ZMAT3: variants seen among roughly 807,000 people sequenced by gnomAD.
ZMAT3 encodes zinc finger matrin-type protein 3.
In ZMAT3, 17 loss-of-function variants were observed where a neutral mutation model predicts 32.3. The ratio of observed to expected loss-of-function variants is 0.53; its 90% CI spans 0.36 to 0.79. The LOEUF (loss-of-function observed/expected upper bound fraction) is 0.79, where lower values mean the gene tolerates loss of function less well. Among genes scored for constraint, ZMAT3 ranks in the 30% least tolerant of loss-of-function variants. ZMAT3 has a pLI of 0.00. For missense variants in ZMAT3, 329 were observed against 359.7 expected (o/e 0.91, Z 0.69); for synonymous variants, 120 against 133.1 (o/e 0.90, Z 0.68).
At chr3:179,038,769 C>T (rs146471557) in intron 2 of ZMAT3, among the ~76,000 whole-genome samples, 4 of 152,136 alleles carry the variant, frequency 2.6e-5, no homozygotes, top group South Asian at 2.1e-4. Context: ...TTACCTCAAC[C>T]GGGAAGCCAA....
chr3:179,063,004 T>G (rs538911607), intron 2 of ZMAT3, among the ~76,000 whole-genome samples: 50 of 152,312 alleles, frequency 3.3e-4, no homozygotes, highest in African/African-American at 1.2e-3. Flanking sequence ...AGTCTCACAA[T>G]CCTGCAGAGG....
chr3:179,049,991 CA>C (rs34239014), intron 2 of ZMAT3, among the ~76,000 whole-genome samples: 28 of 8,144 alleles, frequency 3.4e-3, no homozygotes, highest in Admixed American at 8.7e-3. Context: ...GACTCCGTCT[CA>C]AAAAAAAAAA....
intron 2 of ZMAT3, among the ~76,000 whole-genome samples, chr3:179,054,905 AGT>A (rs1389304893): frequency 9.2e-5 from 14 of 152,202 alleles, no homozygotes; most frequent in Non-Finnish European, 1.9e-4. Flanking sequence ...GCTGAACACT[AGT>A]CACTGGGTTC....
chr3:179,019,419 T>A lies in ZMAT3; in HGVS notation c.*5598A>T, dbSNP rs968194396. 1.3e-5 allele frequency: 2 copies of A among 152,122 alleles called. No individual in the cohort carries two copies. Among genetic ancestry groups the A allele is most frequent in the African/African-American group, 4.8e-5 (2 of 41,414 alleles). 9.4% of individuals were successfully genotyped at this position (152,122 alleles called of 1,614,324 possible). A position where few individuals can be genotyped will look rare whatever the true frequency, so the allele number is the denominator to read the frequency against. ...GCAGTGTATTGCCTAAAATTTACTT[T>A]GGAATGTTCTTTAAAAAAAAAATCT... On this transcript the variant is annotated 3_prime_UTR_variant, in exon 6 of 6. Coordinates refer to ENST00000311417, the MANE Select transcript of ZMAT3 (RefSeq NM_022470.4).
chr3:179,043,205 C>T (rs1456836730), intron 2 of ZMAT3, among the ~76,000 whole-genome samples: 1 of 152,116 alleles, frequency 6.6e-6, no homozygotes, highest in Non-Finnish European at 1.5e-5. Context: ...ACTTTCTTCA[C>T]AGAATTGGAA....
intron 2 of ZMAT3, among the ~76,000 whole-genome samples, chr3:179,041,912 G>A (rs747954579): frequency 2.0e-5 from 3 of 152,146 alleles, no homozygotes; most frequent in Middle Eastern, 3.4e-3. Context: ...TGTCACCACC[G>A]ATCCCACAGA....
At chr3:179,062,135 G>T (rs1318400421) in intron 2 of ZMAT3, among the ~76,000 whole-genome samples, 2 of 152,162 alleles carry the variant, frequency 1.3e-5, no homozygotes, top group Non-Finnish European at 2.9e-5. Context: ...ATTGGCTAAT[G>T]CTACAAAGGG....
intron 2 of ZMAT3, among the ~76,000 whole-genome samples, chr3:179,067,160 G>A (rs1721457074): frequency 6.6e-6 from 1 of 152,178 alleles, no homozygotes; most frequent in Non-Finnish European, 1.5e-5. Flanking sequence ...ACCCAGGCTG[G>A]TAAATAGTGG....
At chr3:179,035,256 C>T (rs1416337067) in intron 2 of ZMAT3, among the ~76,000 whole-genome samples, 2 of 152,294 alleles carry the variant, frequency 1.3e-5, no homozygotes, top group East Asian at 3.9e-4. Context: ...GATCTGGCCC[C>T]GTCTATCTCT....
At chr3:179,044,499 C>T (rs375769383) in intron 2 of ZMAT3, among the ~76,000 whole-genome samples, 2 of 152,040 alleles carry the variant, frequency 1.3e-5, no homozygotes, top group East Asian at 3.9e-4. Flanking sequence ...AAAAAATTAG[C>T]CAGGCATGGT....
Position 179,018,693 on chromosome 3 carries a change from G to A in ZMAT3, c.*6324C>T, listed in dbSNP as rs898376247. On this transcript the variant is annotated 3_prime_UTR_variant, in exon 6 of 6. Coordinates refer to ENST00000311417, the MANE Select transcript of ZMAT3 (RefSeq NM_022470.4). Reference sequence around the variant, plus strand: ...AGTGGGCATAAAAATAAAGGCATATGTAAAAATAATTTTTTCTAAACATGA... The same window carrying A: ...AGTGGGCATAAAAATAAAGGCATATATAAAAATAATTTTTTCTAAACATGA... 2.0e-5 allele frequency: 3 copies of A among 152,230 alleles called. No individual in the cohort carries two copies. The highest frequency in any genetic ancestry group is 2.0e-4 in the Admixed American group (3 of 15,280). 9.4% of individuals were successfully genotyped at this position (152,230 alleles called of 1,614,324 possible). A position where few individuals can be genotyped will look rare whatever the true frequency, so the allele number is the denominator to read the frequency against.
At chr3:179,045,214 T>C (rs1216755958) in intron 2 of ZMAT3, among the ~76,000 whole-genome samples, 6 of 152,128 alleles carry the variant, frequency 3.9e-5, no homozygotes, top group Non-Finnish European at 8.8e-5. Context: ...ACAAGTGCAG[T>C]GTCATAGAAG....
intron 2 of ZMAT3, among the ~76,000 whole-genome samples, chr3:179,049,573 G>A (rs1179176243): frequency 1.3e-5 from 2 of 152,146 alleles, no homozygotes; most frequent in Admixed American, 1.3e-4. Context: ...TGATTGTTGG[G>A]TCAACAATAA....
rs1231462106 is a variant in ZMAT3, at chr3:179,046,545, T to C, written c.271-15546A>G. ...AGGCGGATTGCCACTGCAGACTCCG[T>C]GGGACAGCTGAGGAACTGAGTCGGC... On this transcript the variant is annotated intron_variant, in intron 2 of 5. Coordinates refer to ENST00000311417, the MANE Select transcript of ZMAT3 (RefSeq NM_022470.4). This position sits in a 1 kb window ranked among gnomAD's most constrained non-coding sequence, Gnocchi z 4.3. 6.6e-6 allele frequency among the ~76,000 whole-genome samples: 1 copy of C among 152,134 alleles called. No individual in the cohort carries two copies. Among genetic ancestry groups the C allele is most frequent in the African/African-American group, 2.4e-5 (1 of 41,428 alleles).
At position 179,017,353 on chromosome 3, in the gene ZMAT3, CA is replaced by C. The variant is rs746409226; in HGVS notation, c.*7663del. ...AGCCAAAATGAGCCATCAACAAAAG[CA>C]GTATAAATTTTAAATAAGTTTCAGA... On this transcript the variant is annotated 3_prime_UTR_variant, in exon 6 of 6. Transcript: ENST00000311417. The C allele has an allele frequency of 6.6e-6, 1 of 152,074 alleles. No homozygotes were observed. Among genetic ancestry groups the C allele is most frequent in the Admixed American group, 6.6e-5 (1 of 15,264 alleles). The allele number at this position is 152,074 out of a possible 1,614,324, so 9.4% of individuals were successfully genotyped here.
In ZMAT3 at chr3:179,019,160, T is replaced by G. The variant is rs1243692795; in HGVS notation, c.*5857A>C. ...AAAATTATATTGAAACTTTAAAATT[T>G]ATGACAAGCACTTAAAAATGACCAA... On this transcript the variant is annotated 3_prime_UTR_variant, in exon 6 of 6. Transcript: ENST00000311417. The G allele has an allele frequency of 6.6e-6, 1 of 152,066 alleles. No individual in the cohort carries two copies. Among genetic ancestry groups the G allele is most frequent in the African/African-American group, 2.4e-5 (1 of 41,418 alleles). 9.4% of individuals were successfully genotyped at this position (152,066 alleles called of 1,614,324 possible). A position where few individuals can be genotyped will look rare whatever the true frequency, so the allele number is the denominator to read the frequency against.
At chr3:179,065,426 G>A (rs896811265) in intron 2 of ZMAT3, among the ~76,000 whole-genome samples, 5 of 152,096 alleles carry the variant, frequency 3.3e-5, no homozygotes, top group Admixed American at 6.6e-5. Flanking sequence ...AAAAACAAAT[G>A]TTGATTCTGC....
In ZMAT3 at chr3:179,038,921, C is replaced by T. The variant is rs557895161; in HGVS notation, c.271-7922G>A. ...CAAGGAGATACTCTCCCGTGCCTGG[C>T]TTGGCAGGTCCCACGTCCACAGAGC... On this transcript the variant is annotated intron_variant, in intron 2 of 5. Transcript: ENST00000311417. Among the ~76,000 whole-genome samples, 16 of 152,396 alleles carry T rather than the reference C, an allele frequency of 1.0e-4. No homozygotes were observed. The East Asian group carries it at 3.1e-3, about 29-fold the overall frequency.
intron 3 of ZMAT3, among the ~76,000 whole-genome samples, chr3:179,029,920 G>A (rs1719087318): frequency 6.6e-6 from 1 of 152,106 alleles, no homozygotes; most frequent in African/African-American, 2.4e-5. Flanking sequence ...TCCCAGCCCT[G>A]ACTGAAACAA....
Sources: allele counts gnomAD v4.1 joint callset (sites outside exome capture counted in the v4.1 genomes callset), GRCh38; gene constraint gnomAD v4.1.1; non-coding constraint Gnocchi (gnomAD v3.1); transcripts MANE v1.5; gene names NCBI Gene and HGNC (gene_info 2026-07-23, HGNC 2026-07-21).